The following ADAMTS6 variants were observed in gnomAD, a reference collection of about 807,000 sequenced individuals.
ADAMTS6 encodes the protein ADAM metallopeptidase with thrombospondin type 1 motif 6.
ADAMTS6 carries 23 observed loss-of-function variants against 144.3 expected under a neutral mutation model. The ratio of observed to expected loss-of-function variants is 0.16; its 90% CI spans 0.11 to 0.23. The LOEUF is 0.23. Ranked by LOEUF, ADAMTS6 falls within the 10% of genes least tolerant of loss-of-function variation. The pLI, the probability that ADAMTS6 is intolerant of heterozygous loss-of-function variation, is 1.00. For synonymous variants in ADAMTS6, 444 were observed against 457.5 expected (o/e 0.97, Z 0.38); for missense variants, 999 against 1,379.6 (o/e 0.72, Z 4.37).
intron 22 of ADAMTS6, among the ~76,000 whole-genome samples, chr5:65,183,803 G>C (rs1754508820): frequency 6.6e-6 from 1 of 152,192 alleles, no homozygotes; most frequent in Non-Finnish European, 1.5e-5. Context: ...CCCATGCAAA[G>C]AGTATGTTTT....
At chr5:65,187,796 T>C (rs1280965070) in intron 22 of ADAMTS6, among the ~76,000 whole-genome samples, 1 of 152,222 alleles carries the variant, frequency 6.6e-6, no homozygotes, top group African/African-American at 2.4e-5. Context: ...TTTAGACTTA[T>C]TTTTAATCAA....
Position 65,224,366 on chromosome 5 carries a change from A to G in ADAMTS6, c.2226T>C (p.Ser742=), listed in dbSNP as rs138537175. 3 of 1,614,052 alleles carry G rather than the reference A, an allele frequency of 1.9e-6. No homozygotes were observed. Among genetic ancestry groups the G allele is most frequent in the Non-Finnish European group, 1.7e-6 (2 of 1,180,018 alleles). The change falls in exon 18 of 25, where the codon TCT becomes TCC. Residue 742 remains serine (S), a synonymous_variant. Transcript: ENST00000381055. The part of the protein sequence containing the change: ...YMEVVQIPRG[S]VHIEVREVAM... ...CAACTTCTCTAACTTCAATGTGAAC[A>G]GAGCCTCTTGGTATCTGCACCACTT...
At chr5:65,355,469 C>T (rs1212740241) in intron 7 of ADAMTS6, among the ~76,000 whole-genome samples, 1 of 151,858 alleles carries the variant, frequency 6.6e-6, no homozygotes, top group Non-Finnish European at 1.5e-5. Flanking sequence ...GTGACACCCA[C>T]ATCTGGCATT....
At chr5:65,155,222 C>T (rs1280780308) in intron 24 of ADAMTS6, among the ~76,000 whole-genome samples, 4 of 152,114 alleles carry the variant, frequency 2.6e-5, no homozygotes, top group Non-Finnish European at 1.5e-5. Context: ...TAAGGCACAA[C>T]ATAAACATAT....
rs915975043 is a variant in ADAMTS6 at position 65,215,585 on chromosome 5, T to C, written c.2273-98A>G. ...AATAAAGTATACAATGAATACCGAT[T>C]TCCATTTAGAGATGTGACTCTTGAC... On this transcript the variant is annotated intron_variant, in intron 18 of 24. Transcript: ENST00000381055. 1.1e-5 allele frequency: 12 copies of C among 1,060,798 alleles called. No individual in the cohort carries two copies. The Admixed American group carries it at 3.0e-4, about 27-fold the overall frequency. The allele number at this position is 1,060,798 out of a possible 1,614,324, so 65.7% of individuals were successfully genotyped here.
chr5:65,377,768 G>A (rs1211641279), intron 7 of ADAMTS6, among the ~76,000 whole-genome samples: 1 of 152,158 alleles, frequency 6.6e-6, no homozygotes, highest in Admixed American at 6.6e-5. Context: ...CCATAACAAA[G>A]TACCACAAAT....
At chr5:65,426,612 GGAGTT>G (rs1333388046) in intron 7 of ADAMTS6, among the ~76,000 whole-genome samples, 3 of 152,000 alleles carry the variant, frequency 2.0e-5, no homozygotes, top group Non-Finnish European at 2.9e-5. Flanking sequence ...AAAATTTAGT[GGAGTT>G]AAGTGGCAGA....
intron 24 of ADAMTS6, among the ~76,000 whole-genome samples, chr5:65,163,586 C>A (rs1752921916): frequency 6.6e-6 from 1 of 152,224 alleles, no homozygotes; most frequent in Admixed American, 6.5e-5. Flanking sequence ...TTTTAAGAAT[C>A]CTTTGAATTA....
At chr5:65,277,799 A>G (rs769106330) in intron 11 of ADAMTS6, among the ~76,000 whole-genome samples, 13 of 152,106 alleles carry the variant, frequency 8.5e-5, no homozygotes, top group Non-Finnish European at 1.8e-4. Flanking sequence ...CAAAAGTCTA[A>G]AAGTTTCTGA....
chr5:65,197,627 C>T (rs1287932882), intron 20 of ADAMTS6, among the ~76,000 whole-genome samples: 1 of 152,170 alleles, frequency 6.6e-6, no homozygotes, highest in Non-Finnish European at 1.5e-5. Context: ...GTTAGGAATA[C>T]ATCACATCCA....
At chr5:65,377,029 A>G (rs1001515502) in intron 7 of ADAMTS6, among the ~76,000 whole-genome samples, 3 of 152,136 alleles carry the variant, frequency 2.0e-5, no homozygotes, top group Admixed American at 1.3e-4. Flanking sequence ...ATATATAAAT[A>G]TACTCAACAA....
chr5:65,448,912 G>T (rs1758506057), intron 7 of ADAMTS6, among the ~76,000 whole-genome samples: 1 of 152,114 alleles, frequency 6.6e-6, no homozygotes, highest in Non-Finnish European at 1.5e-5. Context: ...AAAATCATCT[G>T]TGGAATTCTC....
At chr5:65,363,938 T>C (rs1027401516) in intron 7 of ADAMTS6, among the ~76,000 whole-genome samples, 1 of 152,142 alleles carries the variant, frequency 6.6e-6, no homozygotes, top group African/African-American at 2.4e-5. Context: ...TTAAAGATAA[T>C]CCCAGGATAT....
intron 7 of ADAMTS6, among the ~76,000 whole-genome samples, chr5:65,406,604 TTC>T (rs1474003927): frequency 2.0e-5 from 3 of 152,182 alleles, no homozygotes; most frequent in African/African-American, 7.2e-5. Flanking sequence ...TGGTCTAAAA[TTC>T]TCTTTTTTTG....
intron 15 of ADAMTS6, among the ~76,000 whole-genome samples, chr5:65,227,813 T>C (rs1483918191): frequency 6.6e-6 from 1 of 152,192 alleles, no homozygotes; most frequent in Non-Finnish European, 1.5e-5. Flanking sequence ...ACTCTTCTTG[T>C]TTTTAAATGT....
intron 14 of ADAMTS6, among the ~76,000 whole-genome samples, chr5:65,256,961 TTCTCTCTC>T (rs55933758): frequency 5.1e-4 from 60 of 118,064 alleles, no homozygotes; most frequent in African/African-American, 1.5e-3. Flanking sequence ...GGGTCACTTT[TTCTCTCTC>T]TCTCTCTCTC....
chr5:65,423,874 T>A (rs905523701), intron 7 of ADAMTS6, among the ~76,000 whole-genome samples: 3 of 152,260 alleles, frequency 2.0e-5, no homozygotes, highest in African/African-American at 2.4e-5. Context: ...TTTGGAACCA[T>A]TTCACATTTT....
chr5:65,213,957 AGGATC>A (rs1323211395), intron 20 of ADAMTS6: 1 of 163,044 alleles, frequency 6.1e-6, no homozygotes, highest in African/African-American at 2.4e-5. Context: ...CTTGCCTGTT[AGGATC>A]AAGGTGTACG....
intron 21 of ADAMTS6, among the ~76,000 whole-genome samples, chr5:65,193,760 T>G (rs1755157617): frequency 6.6e-6 from 1 of 152,120 alleles, no homozygotes; most frequent in Admixed American, 6.5e-5. Context: ...AAGAACAGTT[T>G]CAGAAGCAAA....
Sources: allele counts gnomAD v4.1 joint callset (sites outside exome capture counted in the v4.1 genomes callset), GRCh38; gene constraint gnomAD v4.1.1; transcripts MANE v1.5; gene names NCBI Gene and HGNC (gene_info 2026-07-23, HGNC 2026-07-21).